The following STK11IP variants were observed in gnomAD, a reference collection of about 807,000 sequenced individuals.
The protein encoded by STK11IP is serine/threonine-protein kinase 11-interacting protein.
A neutral mutation model predicts 131.7 loss-of-function variants in STK11IP; 103 were observed. That is an observed-to-expected ratio of 0.78 (90% confidence interval 0.67 to 0.92). The LOEUF is 0.92. Ranked by LOEUF, STK11IP falls within the 40% of genes least tolerant of loss-of-function variation. STK11IP has a pLI of 0.00. For synonymous variants in STK11IP, 557 were observed against 575.6 expected, an observed-to-expected ratio of 0.97 and a Z score of 0.46; for missense variants, 1,315 against 1,385.7, an observed-to-expected ratio of 0.95 and a Z score of 0.81.
At position 219,597,943 on chromosome 2, in the gene STK11IP, A is replaced by G; in HGVS notation, c.-27+20A>G. ...GGTTCGGTATGTCTGACCAGGACTTATGTTCCTCGAAAGGGCGGCCAGGAG... is the reference window on the plus strand; with the variant it reads ...GGTTCGGTATGTCTGACCAGGACTTGTGTTCCTCGAAAGGGCGGCCAGGAG... On this transcript the variant is annotated intron_variant, in intron 1 of 24. Transcript: ENST00000456909. The G allele has an allele frequency of 1.2e-6, 2 of 1,611,448 alleles. No homozygotes were observed. The highest frequency in any genetic ancestry group is 1.7e-6 in the Non-Finnish European group (2 of 1,178,874).
Position 219,608,671 on chromosome 2 carries a change from C to T in STK11IP, c.1692C>T (p.Ala564=), listed in dbSNP as rs780939037. The T allele has an allele frequency of 8.7e-6, 14 of 1,613,702 alleles. No homozygotes were observed. The highest frequency in any genetic ancestry group is 1.7e-5 in the Admixed American group (1 of 60,006). ...GRECFLRVTS[A]HLFEVELQAA... ...AATGCTTTCTCAGGGTCACTTCTGCCCACCTGTTTGAGGTGGAACTCCAAG... is the reference window on the plus strand; with the variant it reads ...AATGCTTTCTCAGGGTCACTTCTGCTCACCTGTTTGAGGTGGAACTCCAAG... The change falls in exon 15 of 25, where the codon GCC becomes GCT. Residue 564 remains alanine (A), a synonymous_variant. Coordinates refer to ENST00000456909, the MANE Select transcript of STK11IP (RefSeq NM_052902.4).
intron 17 of STK11IP, among the ~76,000 whole-genome samples, chr2:219,610,669 G>A (rs1376274809): frequency 6.6e-6 from 1 of 152,212 alleles, no homozygotes; most frequent in Admixed American, 6.5e-5. Flanking sequence ...AAAGTGCTGG[G>A]ATTACAGGCG....
intron 5 of STK11IP, 118 bp from the exon 6 acceptor site, chr2:219,602,350 T>C (rs372587015): frequency 7.6e-6 from 6 of 792,210 alleles, no homozygotes; most frequent in East Asian, 5.1e-5. Flanking sequence ...TTTAAGCCTG[T>C]ATCTTCAGAT....
intron 17 of STK11IP, chr2:219,610,118 T>C (rs956001618): frequency 6.4e-6 from 1 of 156,526 alleles, no homozygotes; most frequent in African/African-American, 2.4e-5. Flanking sequence ...ATAAATATTC[T>C]TGATAACAGC....
chr2:219,608,206 C>T lies in STK11IP; in HGVS notation c.1379C>T (p.Ser460Phe), dbSNP rs767360347. The change falls in exon 14 of 25, where the codon TCC becomes TTC. Residue 460 changes from serine (S) to phenylalanine (F), a missense_variant. By Grantham distance (155) the Ser-to-Phe change is radical. Coordinates refer to ENST00000456909, the MANE Select transcript of STK11IP (RefSeq NM_052902.4). ...GCACCCAGTGCACCTCCAGCCAGCT[C>T]CCAGGGCCCCGACACTGCACCCAGA... ...TSAPSAPPAS[S>F]QGPDTAPRPS... The T allele has an allele frequency of 6.2e-7, 1 of 1,613,530 alleles. No homozygotes were observed. The highest frequency in any genetic ancestry group is 1.3e-5 in the African/African-American group (1 of 74,926).
rs1385276338 is a variant in STK11IP, at chr2:219,614,252, T to C, written c.2798+10T>C. ...CCCAGCACCGGCTCTGGTGAGTCGATAGGAGGCAGAGGCTGGGGTTGCTGC... is the reference window on the plus strand; with the variant it reads ...CCCAGCACCGGCTCTGGTGAGTCGACAGGAGGCAGAGGCTGGGGTTGCTGC... On this transcript the variant is annotated intron_variant, in intron 22 of 24. Coordinates refer to ENST00000456909, the MANE Select transcript of STK11IP (RefSeq NM_052902.4). 2 of 1,612,932 alleles carry C rather than the reference T, an allele frequency of 1.2e-6. No homozygotes were observed. Among genetic ancestry groups the C allele is most frequent in the Non-Finnish European group, 1.7e-6 (2 of 1,179,650 alleles).
chr2:219,613,717 A>G (rs1698481636), intron 20 of STK11IP, 35 bp from the exon 21 acceptor site: 2 of 1,611,692 alleles, frequency 1.2e-6, no homozygotes, highest in Non-Finnish European at 1.7e-6. Flanking sequence ...CTCCACTCTC[A>G]TGCTTCTCCA....
intron 3 of STK11IP, 31 bp downstream of exon 3, chr2:219,601,471 C>T: frequency 6.2e-7 from 1 of 1,609,564 alleles, no homozygotes; most frequent in African/African-American, 1.3e-5. Context: ...GCAGGATGTG[C>T]AAGGAGCCCA....
chr2:219,611,941 C>G lies in STK11IP; in HGVS notation c.2336-14C>G. 1 of 1,583,982 alleles carries G rather than the reference C, an allele frequency of 6.3e-7. No homozygotes were observed. Among genetic ancestry groups the G allele is most frequent in the Non-Finnish European group, 8.6e-7 (1 of 1,165,498 alleles). Reference sequence around the variant, plus strand: ...GCTGCCATGGGCAGGCTGATGCCCCCTCATTGCCCTCAGCCCCTGAGCGCT... The same window carrying G: ...GCTGCCATGGGCAGGCTGATGCCCCGTCATTGCCCTCAGCCCCTGAGCGCT... On this transcript the variant is annotated splice_polypyrimidine_tract_variant and intron_variant, in intron 18 of 24. Transcript: ENST00000456909.
chr2:219,609,245 C>T (rs943290921), intron 16 of STK11IP, 32 bp downstream of exon 16: 3 of 1,576,614 alleles, frequency 1.9e-6, no homozygotes, highest in Non-Finnish European at 1.7e-6. Context: ...GCCCAGGAGG[C>T]TGTGGGGATT....
In STK11IP at chr2:219,615,332, C is replaced by T. The variant is rs1698541271; in HGVS notation, c.3108C>T (p.Phe1036=). 1.9e-6 allele frequency: 3 copies of T among 1,600,848 alleles called. No individual in the cohort carries two copies. The highest frequency in any genetic ancestry group is 2.5e-6 in the Non-Finnish European group (3 of 1,178,908). ...RSAPEDLRLL[F]YDEVSRLESF... is the part of the protein sequence containing the mutation. ...CCCCTGAGGACTTGCGGCTGCTCTT[C>T]TACGATGAGGTGTGTATGTGTATCT... Residue 1036 remains phenylalanine, a synonymous_variant, in exon 24 of 25, where the codon TTC becomes TTT. Transcript: ENST00000456909.
At position 219,615,094 on chromosome 2, in the gene STK11IP, G is replaced by T. The variant is rs757285285; in HGVS notation, c.2870G>T (p.Gly957Val). 6.2e-7 allele frequency: 1 copy of T among 1,607,824 alleles called. No individual in the cohort carries two copies. Among genetic ancestry groups the T allele is most frequent in the East Asian group, 2.2e-5 (1 of 44,820 alleles). ...FFYLRAFLVE[G>V]PSTCLVSLLL... is the part of the protein sequence containing the mutation. ...ACACTGGATGCCTCTTTCCCTGCAG[G>T]CCCTTCCACCTGCCTCGTATCCCTG... Residue 957 changes from glycine (G) to valine (V), a missense_variant and splice_region_variant, in exon 24 of 25, where the codon GGC (glycine) becomes GTC (valine). Transcript: ENST00000456909.
Position 219,614,464 on chromosome 2 carries a change from T to TA in STK11IP, c.2799-11dup, listed in dbSNP as rs1339645999. 1.2e-6 allele frequency: 2 copies of TA among 1,613,444 alleles called. No individual in the cohort carries two copies. The highest frequency in any genetic ancestry group is 1.7e-6 in the Non-Finnish European group (2 of 1,179,712). ...CTAGCTGATCTTCCTGTGCCTGCCA[T>TA]ATTCCCTCTAGGCCATTGCTGGAAA... On this transcript the variant is annotated splice_polypyrimidine_tract_variant and intron_variant, in intron 22 of 24. Transcript: ENST00000456909.
Position 219,615,295 on chromosome 2 carries a change from T to C in STK11IP, c.3071T>C (p.Leu1024Pro), listed in dbSNP as rs751043988. 1.2e-6 allele frequency: 2 copies of C among 1,602,526 alleles called. No homozygotes were observed. Among genetic ancestry groups the C allele is most frequent in the Non-Finnish European group, 1.7e-6 (2 of 1,179,468 alleles). Reference protein sequence around the residue: ...QPLSSLSSVLLYRSAPEDLRL... With the variant: ...QPLSSLSSVLPYRSAPEDLRL... ...CTCAGCAGCCTGAGCTCCGTGCTGC[T>C]CTACCGCTCAGCCCCTGAGGACTTG... Residue 1024 changes from leucine (L) to proline (P), a missense_variant, in exon 24 of 25, where the codon CTC (leucine) becomes CCC (proline). Leu to Pro is a moderately conservative substitution (Grantham distance 98). Coordinates refer to ENST00000456909, the MANE Select transcript of STK11IP (RefSeq NM_052902.4).
chr2:219,611,232 C>A (rs2106162879), intron 17 of STK11IP, among the ~76,000 whole-genome samples: 1 of 152,264 alleles, frequency 6.6e-6, no homozygotes, highest in South Asian at 2.1e-4. Context: ...CTTTCCAGAC[C>A]TGTTGATTTT....
chr2:219,606,265 C>T lies in STK11IP; in HGVS notation c.920C>T (p.Pro307Leu), dbSNP rs1175255879. The T allele has an allele frequency of 1.3e-6, 2 of 1,570,796 alleles. No individual in the cohort carries two copies. The highest frequency in any genetic ancestry group is 2.3e-5 in the South Asian group (2 of 85,460). ...GCAGCCACTGCCCAGTACTTGTCAC[C>T]CCGGGCCAGGGATGCTGCTACTGGC... The part of the protein sequence containing the change: ...HRAATAQYLS[P>L]RARDAATGFL... The change falls in exon 10 of 25, where the codon CCC becomes CTC. Residue 307 changes from proline (P) to leucine (L), a missense_variant. Transcript: ENST00000456909.
chr2:219,600,895 C>T (rs185108848), intron 2 of STK11IP, among the ~76,000 whole-genome samples: 59 of 152,302 alleles, frequency 3.9e-4, no homozygotes, highest in Admixed American at 3.5e-3. Flanking sequence ...AAGGGGGTGT[C>T]TCATAACAAG....
At chr2:219,607,205 T>A in intron 13 of STK11IP, 68 bp downstream of exon 13, 1 of 1,445,362 alleles carries the variant, frequency 6.9e-7, no homozygotes, top group Non-Finnish European at 9.7e-7. Context: ...TAAGTTACAG[T>A]GAAGATCTGC....
chr2:219,605,200 G>T (rs1264737607), intron 7 of STK11IP, among the ~76,000 whole-genome samples: 1 of 152,180 alleles, frequency 6.6e-6, no homozygotes. Flanking sequence ...AGAGCTGGGG[G>T]AGTGGAAATC....
Sources: allele counts gnomAD v4.1 joint callset (sites outside exome capture counted in the v4.1 genomes callset), GRCh38; gene constraint gnomAD v4.1.1; transcripts MANE v1.5; gene names NCBI Gene and HGNC (gene_info 2026-07-23, HGNC 2026-07-21).